CSF1R: variants seen among roughly 807,000 people sequenced by gnomAD.
The protein encoded by CSF1R is macrophage colony-stimulating factor 1 receptor.
In CSF1R, 40 loss-of-function variants were observed where a neutral mutation model predicts 110.0. That is an observed-to-expected ratio of 0.36 (90% CI 0.28 to 0.47). The LOEUF (loss-of-function observed/expected upper bound fraction) is 0.47. Among genes scored for constraint, CSF1R ranks in the 20% least tolerant of loss-of-function variants. The pLI is 0.99. For missense variants in CSF1R, 1,052 were observed against 1,253.0 expected (o/e 0.84, Z 2.42); for synonymous variants, 523 against 503.4 (o/e 1.04, Z -0.52).
Position 150,053,538 on chromosome 5 carries a change from G to A in CSF1R, c.*531C>T, listed in dbSNP as rs367836988. Reference sequence around the variant, plus strand: ...AGGGGTGAGGCTGTGGAGTGAAGGCGGCGTATAGGGCAGAGACTAAGAGGT... The same window carrying A: ...AGGGGTGAGGCTGTGGAGTGAAGGCAGCGTATAGGGCAGAGACTAAGAGGT... On this transcript the variant is annotated 3_prime_UTR_variant, in exon 21 of 21. Coordinates refer to ENST00000675795, the MANE Select transcript of CSF1R (RefSeq NM_001288705.3). 8.9e-4 allele frequency: 210 copies of A among 235,638 alleles called. No individual in the cohort carries two copies. The highest frequency in any genetic ancestry group is 1.8e-3 in the South Asian group (10 of 5,698). 14.6% of individuals were successfully genotyped at this position (235,638 alleles called of 1,614,324 possible).
Position 150,069,957 on chromosome 5 carries a change from T to C in CSF1R, c.1426A>G (p.Thr476Ala), listed in dbSNP as rs868679766. Residue 476 changes from threonine (T) to alanine (A), a missense_variant, in exon 9 of 21, where the codon ACC becomes GCC. Physicochemically the swap from Thr to Ala is moderately conservative, Grantham distance 58. Coordinates refer to ENST00000675795, the MANE Select transcript of CSF1R (RefSeq NM_001288705.3). ...TCGTAGGTTTGGTTGTGCTCTAAGG[T>C]CTCAACAGTCAGCAGGCTCTGCACC... The part of the protein sequence containing the change: ...VTVQSLLTVE[T>A]LEHNQTYECR... 7.4e-6 allele frequency: 12 copies of C among 1,613,972 alleles called. No individual in the cohort carries two copies. The Middle Eastern group carries it at 1.8e-3, about 244-fold the overall frequency.
At chr5:150,080,375 C>A in intron 2 of CSF1R, 39 bp from the exon 3 acceptor site, 1 of 1,593,828 alleles carries the variant, frequency 6.3e-7, no homozygotes, top group South Asian at 1.1e-5. Context: ...ACTGCCCTCC[C>A]TCCACTGGGC....
chr5:150,076,304 C>A (rs1195581806), intron 5 of CSF1R, among the ~76,000 whole-genome samples: 1 of 151,574 alleles, frequency 6.6e-6, no homozygotes, highest in Non-Finnish European at 1.5e-5. Flanking sequence ...CTGTGTCAGA[C>A]CCTGTTCTAA....
At chr5:150,095,982 G>A (rs1759211280) in intron 1 of CSF1R, among the ~76,000 whole-genome samples, 1 of 152,132 alleles carries the variant, frequency 6.6e-6, no homozygotes, top group Non-Finnish European at 1.5e-5. Context: ...GAACAGTCCT[G>A]TATCTATTTT....
At position 150,060,945 on chromosome 5, in the gene CSF1R, G is replaced by T. The variant is rs1376939838; in HGVS notation, c.1886C>A (p.Ala629Asp). 1.2e-6 allele frequency: 2 copies of T among 1,607,690 alleles called. No homozygotes were observed. The highest frequency in any genetic ancestry group is 8.5e-7 in the Non-Finnish European group (1 of 1,176,944). The change falls in exon 13 of 21, where the codon GCC becomes GAC. Residue 629 changes from alanine to aspartate, a missense_variant. Physicochemically the swap from Ala to Asp is moderately radical, Grantham distance 126 (BLOSUM62 -2). Transcript: ENST00000675795. ...KSTAHADEKE[A>D]LMSELKIMSH... ...CATGATCTTCAGCTCGGACATGAGGGCCTCCTTCTCATCAGCATGGGCCGT... is the reference window on the plus strand; with the variant it reads ...CATGATCTTCAGCTCGGACATGAGGTCCTCCTTCTCATCAGCATGGGCCGT...
chr5:150,054,906 C>G (rs1283545570), intron 19 of CSF1R: 1 of 280,730 alleles, frequency 3.6e-6, no homozygotes, highest in Non-Finnish European at 6.7e-6. Context: ...CAAAGGATTG[C>G]TTGAGCCCTG....
intron 10 of CSF1R, among the ~76,000 whole-genome samples, chr5:150,066,299 T>C (rs763724012): frequency 1.3e-5 from 2 of 152,204 alleles, no homozygotes; most frequent in Non-Finnish European, 2.9e-5. Context: ...CACAACAGGC[T>C]GTTAATGATC....
At chr5:150,103,199 C>A (rs1160169003) in intron 1 of CSF1R, among the ~76,000 whole-genome samples, 1 of 152,230 alleles carries the variant, frequency 6.6e-6, no homozygotes, top group East Asian at 1.9e-4. Flanking sequence ...CGCCACTCCC[C>A]ACTACTTGGA....
chr5:150,100,498 C>A (rs182821620), intron 1 of CSF1R, among the ~76,000 whole-genome samples: 1 of 151,906 alleles, frequency 6.6e-6, no homozygotes, highest in African/African-American at 2.4e-5. Flanking sequence ...GGGCTTTCAC[C>A]GTGTGGCTAA....
chr5:150,077,375 T>C lies in CSF1R; in HGVS notation c.790A>G (p.Asn264Asp). 6.2e-7 allele frequency: 1 copy of C among 1,614,166 alleles called. No homozygotes were observed. Among genetic ancestry groups the C allele is most frequent in the Non-Finnish European group, 8.5e-7 (1 of 1,180,020 alleles). ...NNRYQKVLTL[N>D]LDQVDFQHAG... ...TGTTGGAAATCTACTTGATCGAGGT[T>C]GAGGGTCAGGACTTTTTGGTAACGG... Residue 264 changes from asparagine (N) to aspartate (D), a missense_variant, in exon 5 of 21, where the codon AAC becomes GAC. This residue lies in a region of CSF1R where 693 missense variants were observed against 735.4 expected (regional missense o/e 0.94). Transcript: ENST00000675795.
chr5:150,082,245 C>T (rs545961364), intron 1 of CSF1R, among the ~76,000 whole-genome samples: 69 of 152,332 alleles, frequency 4.5e-4, no homozygotes, highest in African/African-American at 1.3e-3. Flanking sequence ...AGGCCAGCCC[C>T]GAGGGCTTTC....
At chr5:150,057,700 T>A in intron 14 of CSF1R, 108 bp from the exon 15 acceptor site, 1 of 762,252 alleles carries the variant, frequency 1.3e-6, no homozygotes. Flanking sequence ...CCTCCCTTTC[T>A]GATAAGAAAC....
intron 15 of CSF1R, 59 bp from the exon 16 acceptor site, chr5:150,057,443 A>G: frequency 6.2e-7 from 1 of 1,609,774 alleles, no homozygotes. Flanking sequence ...TCACCCCAGC[A>G]GCCCCTTCTC....
At chr5:150,103,404 C>T (rs1200604273) in intron 1 of CSF1R, among the ~76,000 whole-genome samples, 3 of 152,236 alleles carry the variant, frequency 2.0e-5, no homozygotes, top group African/African-American at 7.2e-5. Flanking sequence ...GTGATGCAGA[C>T]AGCACTTGTG....
Position 150,054,191 on chromosome 5 carries a change from C to T in CSF1R, c.2797G>A (p.Gly933Ser), listed in dbSNP as rs756684628. 29 of 1,611,622 alleles carry T rather than the reference C, an allele frequency of 1.8e-5. No individual in the cohort carries two copies. In the East Asian group the frequency reaches 4.7e-4, roughly 26 times the overall value. The change falls in exon 21 of 21, where the codon GGT becomes AGT. Residue 933 changes from glycine to serine, a missense_variant. Gly to Ser is a moderately conservative substitution (Grantham distance 56, BLOSUM62 0). Transcript: ENST00000675795. ...YTNLPSSSRS[G>S]GSGSSSSELE... ...TCACTGCTGCTGCTGCCGCTGCCACCGCTTCTGCTGCTGCTCGGCAGATTG... is the reference window on the plus strand; with the variant it reads ...TCACTGCTGCTGCTGCCGCTGCCACTGCTTCTGCTGCTGCTCGGCAGATTG...
At chr5:150,100,107 G>A (rs1759353975) in intron 1 of CSF1R, among the ~76,000 whole-genome samples, 1 of 151,994 alleles carries the variant, frequency 6.6e-6, no homozygotes, top group Admixed American at 6.6e-5. Flanking sequence ...TTATCCAGGA[G>A]GCTGAGGCAG....
At chr5:150,109,196 G>A (rs1355370848) in intron 1 of CSF1R, among the ~76,000 whole-genome samples, 1 of 152,132 alleles carries the variant, frequency 6.6e-6, no homozygotes, top group African/African-American at 2.4e-5. Flanking sequence ...TAGGAGCAGG[G>A]AGGCTGGAAG....
intron 4 of CSF1R, among the ~76,000 whole-genome samples, chr5:150,077,762 T>C (rs1758335026): frequency 6.6e-6 from 1 of 152,138 alleles, no homozygotes; most frequent in Admixed American, 6.5e-5. Flanking sequence ...AAATAGCTGT[T>C]ATATTCCTGG....
upstream of CSF1R, among the ~76,000 whole-genome samples, chr5:150,091,129 C>T (rs1178744968): frequency 1.3e-5 from 2 of 152,070 alleles, no homozygotes; most frequent in Admixed American, 6.6e-5. Flanking sequence ...TAAAAAAAAT[C>T]GGATAACAAG....
Sources: gnomAD v4.1 joint callset for allele counts (sites outside exome capture counted in the v4.1 genomes callset) on GRCh38, gnomAD v4.1.1 for gene constraint, gnomAD v4.1.1 regional missense constraint, MANE v1.5 for transcripts, NCBI Gene and HGNC (gene_info 2026-07-23, HGNC 2026-07-21) for gene names.